Variants in ANXA13 observed in about 807,000 individuals in gnomAD.
ANXA13 encodes the protein annexin A13.
A neutral mutation model predicts 46.6 loss-of-function variants in ANXA13; 36 were observed. The ratio of observed to expected loss-of-function variants is 0.77; its 90% CI spans 0.59 to 1.02. The LOEUF is 1.02. ANXA13 is among the 50% of genes least tolerant of loss of function. ANXA13 has a pLI of 0.00. For missense variants in ANXA13, 417 were observed against 396.5 expected (o/e 1.05, Z -0.44); for synonymous variants, 163 against 152.9 (o/e 1.07, Z -0.49).
chr8:123,723,630 A>G (rs967306096), intron 1 of ANXA13, among the ~76,000 whole-genome samples: 3 of 152,232 alleles, frequency 2.0e-5, no homozygotes, highest in African/African-American at 7.2e-5. Flanking sequence ...CACCACGGAA[A>G]TTGGCAAGCA....
intron 1 of ANXA13, among the ~76,000 whole-genome samples, chr8:123,720,184 C>T (rs4595110): frequency 6.6e-6 from 1 of 151,974 alleles, no homozygotes; most frequent in African/African-American, 2.4e-5. Flanking sequence ...CAGGAGGGGC[C>T]CCCGGGAAGA....
chr8:123,712,831 T>A, intron 1 of ANXA13, 78 bp from the exon 2 acceptor site: 1 of 1,278,548 alleles, frequency 7.8e-7, no homozygotes, highest in Non-Finnish European at 1.1e-6. Flanking sequence ...GGTAGCAAAC[T>A]GGAGGACCAA....
intron 2 of ANXA13, among the ~76,000 whole-genome samples, chr8:123,708,032 G>A (rs1438282659): frequency 6.6e-6 from 1 of 152,036 alleles, no homozygotes; most frequent in African/African-American, 2.4e-5. Context: ...GTTGATCCGG[G>A]GGGTGTTTCT....
At chr8:123,694,337 C>T (rs927572063) in intron 6 of ANXA13, among the ~76,000 whole-genome samples, 2 of 152,184 alleles carry the variant, frequency 1.3e-5, no homozygotes, top group Admixed American at 6.5e-5. Flanking sequence ...ATTCAGGTCT[C>T]CAATCAGCTG....
chr8:123,715,550 A>G (rs1813743284), intron 1 of ANXA13, among the ~76,000 whole-genome samples: 1 of 152,220 alleles, frequency 6.6e-6, no homozygotes, highest in African/African-American at 2.4e-5. Flanking sequence ...CCACTTGACA[A>G]CTAATGCGCT....
intron 8 of ANXA13, 60 bp from the exon 9 acceptor site, chr8:123,689,006 G>T (rs981979614): frequency 2.5e-5 from 38 of 1,543,984 alleles, no homozygotes; most frequent in Non-Finnish European, 3.2e-5. Context: ...TAGTACTCTT[G>T]GGGTTGTTCC....
chr8:123,691,334 G>A (rs1188092010), intron 8 of ANXA13, among the ~76,000 whole-genome samples: 1 of 152,122 alleles, frequency 6.6e-6, no homozygotes, highest in African/African-American at 2.4e-5. Context: ...TATCAAGAAT[G>A]ACACTTGAGC....
intron 8 of ANXA13, among the ~76,000 whole-genome samples, chr8:123,692,921 G>C (rs1436734885): frequency 6.6e-6 from 1 of 152,118 alleles, no homozygotes; most frequent in Non-Finnish European, 1.5e-5. Context: ...TCTGGGGCTG[G>C]AGGATTCTTG....
intron 9 of ANXA13, among the ~76,000 whole-genome samples, chr8:123,688,454 A>G (rs1813177701): frequency 1.3e-5 from 2 of 152,122 alleles, no homozygotes; most frequent in Admixed American, 1.3e-4. Flanking sequence ...AAAACGGACT[A>G]ATACAGCAGG....
intron 8 of ANXA13, among the ~76,000 whole-genome samples, chr8:123,692,418 C>T (rs1167249775): frequency 6.6e-6 from 1 of 151,660 alleles, no homozygotes; most frequent in African/African-American, 2.4e-5. Context: ...AAATAGGATG[C>T]CAAAAAAAAA....
chr8:123,723,592 C>T (rs142550413), intron 1 of ANXA13, among the ~76,000 whole-genome samples: 1 of 152,298 alleles, frequency 6.6e-6, no homozygotes, highest in Non-Finnish European at 1.5e-5. Context: ...TGCTGGTAAC[C>T]TGAAATCAGT....
chr8:123,715,772 C>T (rs1384069545), intron 1 of ANXA13, among the ~76,000 whole-genome samples: 1 of 152,190 alleles, frequency 6.6e-6, no homozygotes, highest in Non-Finnish European at 1.5e-5. Context: ...CTAAGATCAC[C>T]TGGCCAGGCA....
At chr8:123,734,811 T>C (rs188842654) in intron 1 of ANXA13, among the ~76,000 whole-genome samples, 1 of 149,848 alleles carries the variant, frequency 6.7e-6, no homozygotes, top group Admixed American at 6.7e-5. Flanking sequence ...TCCTGGCTCA[T>C]GATTTAAATG....
chr8:123,687,625 A>G (rs1554591907), intron 9 of ANXA13, among the ~76,000 whole-genome samples: 1 of 152,190 alleles, frequency 6.6e-6, no homozygotes, highest in Non-Finnish European at 1.5e-5. Context: ...AATTGCTGAC[A>G]TTGTTCAAAA....
At chr8:123,722,774 G>C (rs532637652) in intron 1 of ANXA13, among the ~76,000 whole-genome samples, 7 of 152,180 alleles carry the variant, frequency 4.6e-5, no homozygotes, top group Non-Finnish European at 1.0e-4. Context: ...TGGACAGGGA[G>C]GTTTCATTAT....
intron 3 of ANXA13, 51 bp downstream of exon 3, chr8:123,702,591 A>G (rs750932994): frequency 1.4e-6 from 2 of 1,466,148 alleles, no homozygotes; most frequent in Non-Finnish European, 1.9e-6. Flanking sequence ...GGAAGCCGAG[A>G]CGGCTGAGGC....
At chr8:123,718,882 G>T (rs1813807412) in intron 1 of ANXA13, among the ~76,000 whole-genome samples, 1 of 152,192 alleles carries the variant, frequency 6.6e-6, no homozygotes, top group East Asian at 1.9e-4. Context: ...CAGGAGGGAG[G>T]TCAGCTCTTT....
intron 1 of ANXA13, chr8:123,735,899 A>T (rs1021824838): frequency 2.5e-6 from 4 of 1,575,402 alleles, no homozygotes; most frequent in Non-Finnish European, 3.4e-6. Context: ...AAAAAAATAC[A>T]TAAAAATGCT....
intron 1 of ANXA13, among the ~76,000 whole-genome samples, chr8:123,721,789 C>T (rs1813876832): frequency 6.6e-6 from 1 of 152,118 alleles, no homozygotes; most frequent in Admixed American, 6.5e-5. Flanking sequence ...GGCATGGGTC[C>T]AGACCGTTTA....
Sources: allele counts gnomAD v4.1 joint callset (sites outside exome capture counted in the v4.1 genomes callset), GRCh38; gene constraint gnomAD v4.1.1; transcripts MANE v1.5; gene names NCBI Gene and HGNC (gene_info 2026-07-23, HGNC 2026-07-21).